Variants in IGSF10 observed in about 807,000 individuals in gnomAD.
IGSF10 encodes immunoglobulin superfamily member 10.
Under a neutral mutation model 128.2 loss-of-function variants are expected in IGSF10, and 126 were observed. The ratio of observed to expected loss-of-function variants is 0.98; its 90% CI spans 0.85 to 1.14. IGSF10 has a LOEUF of 1.14. Ranked by LOEUF, IGSF10 falls within the 50% of genes most tolerant of loss-of-function variation. The probability of loss-of-function intolerance (pLI) is 0.00; values close to 1 mark genes in which losing one functional copy is unlikely to be tolerated. For synonymous variants in IGSF10, 1,185 were observed against 1,146.2 expected (o/e 1.03, Z -0.68); for missense variants, 3,295 against 3,149.8 (o/e 1.05, Z -1.10).
Position 151,453,439 on chromosome 3 carries a change from T to C in IGSF10, c.660A>G (p.Pro220=). ...DLDSLYLHGN[P]WTCDCHLKWL... ...ACTTTAAATGGCAATCACAGGTCCATGGGTTTCCATGCAGGTAAAGGCTGT... is the reference window on the plus strand; with the variant it reads ...ACTTTAAATGGCAATCACAGGTCCACGGGTTTCCATGCAGGTAAAGGCTGT... The change falls in exon 5 of 8, where the codon CCA becomes CCG. Residue 220 remains proline (P), a synonymous_variant. Coordinates refer to ENST00000282466, the MANE Select transcript of IGSF10 (RefSeq NM_178822.5). 3.1e-6 allele frequency: 5 copies of C among 1,613,350 alleles called. No individual in the cohort carries two copies. Among genetic ancestry groups the C allele is most frequent in the Non-Finnish European group, 4.2e-6 (5 of 1,179,830 alleles).
chr3:151,611,016 A>C, the IGSF10 span, among the ~76,000 whole-genome samples: 68 of 152,328 alleles, frequency 4.5e-4, no homozygotes, highest in South Asian at 4.1e-3. Context: ...TATATGTTTG[A>C]CAGGCCTTAG....
At chr3:151,539,785 T>TATC in the IGSF10 span, among the ~76,000 whole-genome samples, 3 of 151,862 alleles carry the variant, frequency 2.0e-5, no homozygotes, top group Non-Finnish European at 4.4e-5. Context: ...TCTATCTATC[T>TATC]ATCTATCTAT....
At chr3:151,449,300 A>AC (rs1721397969) in intron 5 of IGSF10, 35 bp from the exon 6 acceptor site, 2 of 1,508,340 alleles carry the variant, frequency 1.3e-6, no homozygotes, top group Admixed American at 2.2e-5. Flanking sequence ...ATCAGTTGTG[A>AC]CCTCTTTATG....
At chr3:151,521,674 A>G in the IGSF10 span, among the ~76,000 whole-genome samples, 3 of 152,100 alleles carry the variant, frequency 2.0e-5, no homozygotes, top group South Asian at 2.1e-4. Context: ...AAGAACAAAG[A>G]TACAACATAG....
chr3:151,460,503 T>C (rs988234071), intron 1 of IGSF10, among the ~76,000 whole-genome samples, 156 bp from the exon 2 acceptor site: 1 of 152,244 alleles, frequency 6.6e-6, no homozygotes, highest in Admixed American at 6.5e-5. Flanking sequence ...AGCGTTCTTT[T>C]ATTATGATGC....
Position 151,448,623 on chromosome 3 carries a change from G to C in IGSF10, c.1358C>G (p.Ser453Cys), listed in dbSNP as rs758098175. 2.5e-6 allele frequency: 4 copies of C among 1,614,060 alleles called. No homozygotes were observed. Among genetic ancestry groups the C allele is most frequent in the Non-Finnish European group, 3.4e-6 (4 of 1,180,022 alleles). The change falls in exon 6 of 8, where the codon TCC becomes TGC. Residue 453 changes from serine (S) to cysteine (C), a missense_variant. Transcript: ENST00000282466. ...TGGTAAAGTGATTTGAGCATCACTG[G>C]AGTACTGGATCTGTAATGTACTGAA... Reference protein sequence around the residue: ...TTFSTLQIQYSSDAQITLPRA... With the variant: ...TTFSTLQIQYCSDAQITLPRA...
the IGSF10 span, among the ~76,000 whole-genome samples, chr3:151,502,991 T>C: frequency 6.6e-6 from 1 of 151,988 alleles, no homozygotes; most frequent in African/African-American, 2.4e-5. Flanking sequence ...AAAAACTCTC[T>C]CCAAAATAAA....
chr3:151,554,126 G>C, the IGSF10 span, among the ~76,000 whole-genome samples: 1 of 122,746 alleles, frequency 8.1e-6, no homozygotes, highest in South Asian at 2.9e-4. Context: ...TGGTGACAGA[G>C]TGAGATCACA....
chr3:151,510,794 G>A, the IGSF10 span, among the ~76,000 whole-genome samples: 10 of 152,126 alleles, frequency 6.6e-5, no homozygotes, highest in Non-Finnish European at 1.3e-4. Context: ...TGAAAACCAC[G>A]GCACAAGAAC....
the IGSF10 span, among the ~76,000 whole-genome samples, chr3:151,523,062 C>T: frequency 2.7e-4 from 41 of 152,208 alleles, no homozygotes; most frequent in African/African-American, 9.9e-4. Flanking sequence ...CAATCCCATT[C>T]ACAATAGCCA....
At chr3:151,434,424 A>G (rs1467988974), downstream of IGSF10, 1 of 152,208 alleles carries the variant, frequency 6.6e-6, no homozygotes, top group South Asian at 2.1e-4. Context: ...ATTTCACTCC[A>G]GCCTGCCCAT....
chr3:151,455,360 C>CA lies in IGSF10; in HGVS notation c.325-1587_325-1586insT, dbSNP rs936372307. On this transcript the variant is annotated intron_variant, in intron 4 of 7. Coordinates refer to ENST00000282466, the MANE Select transcript of IGSF10 (RefSeq NM_178822.5). ...CTCCCAACCTCAGGTGATCTGCCCC[C>CA]CCTTGGCCTCCCAAAGTTCTGGGGT... Among the ~76,000 whole-genome samples the CA allele has an allele frequency of 4.0e-5, 6 of 151,768 alleles. No individual in the cohort carries two copies. The South Asian group carries it at 6.3e-4, about 16-fold the overall frequency.
chr3:151,596,472 G>T, the IGSF10 span, among the ~76,000 whole-genome samples: 1 of 85,640 alleles, frequency 1.2e-5, no homozygotes, highest in Non-Finnish European at 2.4e-5. Flanking sequence ...AGATATTATG[G>T]TGTTTATGTG....
chr3:151,445,335 G>C lies in IGSF10; in HGVS notation c.4646C>G (p.Ser1549Cys). 6.2e-7 allele frequency: 1 copy of C among 1,614,190 alleles called. No homozygotes were observed. Among genetic ancestry groups the C allele is most frequent in the Non-Finnish European group, 8.5e-7 (1 of 1,180,010 alleles). Residue 1549 changes from serine to cysteine, a missense_variant, in exon 6 of 8, where the codon TCT becomes TGT. Coordinates refer to ENST00000282466, the MANE Select transcript of IGSF10 (RefSeq NM_178822.5). ...TGTTGTTAGTGCTGGCATGGGAGTA[G>C]AATGTAACAGATTAGAGTAGATGAA... Reference protein sequence around the residue: ...THFIYSNLLHSTPMPALTTVK... With the variant: ...THFIYSNLLHCTPMPALTTVK...
At chr3:151,572,638 T>C in the IGSF10 span, among the ~76,000 whole-genome samples, 2 of 152,206 alleles carry the variant, frequency 1.3e-5, no homozygotes, top group Non-Finnish European at 2.9e-5. Flanking sequence ...GCTAGTGTAC[T>C]ATCTATTTTG....
At chr3:151,480,026 C>T in the IGSF10 span, among the ~76,000 whole-genome samples, 1 of 151,692 alleles carries the variant, frequency 6.6e-6, no homozygotes, top group Non-Finnish European at 1.5e-5. Context: ...AGTGCATATC[C>T]AAATAGCCAC....
In IGSF10 at chr3:151,447,350, G is replaced by T. The variant is rs754337599; in HGVS notation, c.2631C>A (p.Thr877=). 2 of 1,614,064 alleles carry T rather than the reference G, an allele frequency of 1.2e-6. No individual in the cohort carries two copies. The highest frequency in any genetic ancestry group is 4.5e-5 in the East Asian group (2 of 44,896). The change falls in exon 6 of 8, where the codon ACC becomes ACA. Residue 877 remains threonine, a synonymous_variant. Coordinates refer to ENST00000282466, the MANE Select transcript of IGSF10 (RefSeq NM_178822.5). ...TTGTGCCTTGTATTTGGCTTGACAT[G>T]GTTGGGTTTATATTCTTTGACATGG... is the stretch of plus-strand genomic sequence containing the variant. ...TTAMSKNINP[T]MSSQIQGTTN... is the part of the protein sequence containing the mutation.
chr3:151,437,928 G>A lies in IGSF10; in HGVS notation c.6633C>T (p.Tyr2211=), dbSNP rs74773949. 1.6e-4 allele frequency: 252 copies of A among 1,614,142 alleles called. No individual in the cohort carries two copies. The African/African-American group carries it at 2.5e-3, about 16-fold the overall frequency. ...CACTGGGATTTCGGGCTACACATAC[G>A]TACTCTCCAGAATCGAGCAGTTTCA... ...NKVKLLDSGE[Y]VCVARNPSGD... Residue 2211 remains tyrosine, a synonymous_variant, in exon 8 of 8, where the codon TAC becomes TAT. Transcript: ENST00000282466.
the IGSF10 span, among the ~76,000 whole-genome samples, chr3:151,529,023 G>A: frequency 6.6e-6 from 1 of 152,010 alleles, no homozygotes; most frequent in South Asian, 2.1e-4. Flanking sequence ...TGGGGGAGGG[G>A]AGTCCACCAA....
Sources: allele counts gnomAD v4.1 joint callset (sites outside exome capture counted in the v4.1 genomes callset), GRCh38; gene constraint gnomAD v4.1.1; transcripts MANE v1.5; gene names NCBI Gene and HGNC (gene_info 2026-07-23, HGNC 2026-07-21).